OR6K6: variants seen among roughly 807,000 people sequenced by gnomAD.
The protein encoded by OR6K6 is olfactory receptor 6K6.
In OR6K6, 9 loss-of-function variants were observed where a neutral mutation model predicts 8.1. The observed-to-expected ratio is 1.11, with a 90% CI of 0.67 to 1.94. The LOEUF is 1.94. OR6K6 is among the 30% of genes most tolerant of loss of function. The pLI is 0.00. For synonymous variants in OR6K6, 156 were observed against 140.3 expected (o/e 1.11, Z -0.79); for missense variants, 400 against 383.1 (o/e 1.04, Z -0.37).
Position 158,754,829 on chromosome 1 carries a change from C to G in OR6K6, c.-59C>G. On this transcript the variant is annotated 5_prime_UTR_variant, in exon 1 of 1. An upstream open reading frame in the 5' UTR gains an earlier in-frame stop. Coordinates refer to ENST00000641861, the Ensembl canonical transcript of OR6K6. Reference sequence around the variant, plus strand: ...TTACAGAAAGGAATGAAGCAATATTCAGTGGGTAATCAACATTCCAATTAT... The same window carrying G: ...TTACAGAAAGGAATGAAGCAATATTGAGTGGGTAATCAACATTCCAATTAT... 1.9e-6 allele frequency: 3 copies of G among 1,607,588 alleles called. No homozygotes were observed. Among genetic ancestry groups the G allele is most frequent in the East Asian group, 4.5e-5 (2 of 44,854 alleles).
exon 1 of OR6K6, chr1:158,754,927 A>G: frequency 6.2e-7 from 1 of 1,614,012 alleles, no homozygotes; most frequent in Non-Finnish European, 8.5e-7. Context: ...GACAATGGTG[A>G]CTGAGTTCCT....
At chr1:158,754,972 C>G (rs370551652) in exon 1 of OR6K6, 2 of 1,614,140 alleles carry the variant, frequency 1.2e-6, no homozygotes, top group Non-Finnish European at 8.5e-7. Flanking sequence ...CAGAGGTGGC[C>G]TCTTATTCTT....
exon 1 of OR6K6, chr1:158,755,012 T>A (rs761008328): frequency 6.2e-7 from 1 of 1,614,044 alleles, no homozygotes; most frequent in Non-Finnish European, 8.5e-7. Context: ...TACGGATTTA[T>A]CCTAACTGGA....
chr1:158,754,958 C>T lies in OR6K6; in HGVS notation c.71C>T (p.Ala24Val), dbSNP rs531610805. Residue 24 changes from alanine (A) to valine (V), a missense_variant, in exon 1 of 1, where the codon GCG becomes GTG. By Grantham distance (64) the Ala-to-Val change is moderately conservative. Transcript: ENST00000641861. ...TTCCTCTTCTCTATGTTCCCGCATGCGCACAGAGGTGGCCTCTTATTCTTT... is the reference window on the plus strand; with the variant it reads ...TTCCTCTTCTCTATGTTCCCGCATGTGCACAGAGGTGGCCTCTTATTCTTT... The T allele has an allele frequency of 1.2e-5, 20 of 1,614,158 alleles. No individual in the cohort carries two copies. The highest frequency in any genetic ancestry group is 3.3e-4 in the Middle Eastern group (2 of 6,062).
chr1:158,755,283 T>C, exon 1 of OR6K6: 1 of 1,614,148 alleles, frequency 6.2e-7, no homozygotes, highest in Non-Finnish European at 8.5e-7. Flanking sequence ...CTATCTGCAA[T>C]CCACTCCGTT....
At chr1:158,755,632 G>A in exon 1 of OR6K6, 1 of 1,614,168 alleles carries the variant, frequency 6.2e-7, no homozygotes, top group South Asian at 1.1e-5. Flanking sequence ...TGCTCACCTT[G>A]CTGTGTTCTT....
At position 158,755,709 on chromosome 1, in the gene OR6K6, C is replaced by G; in HGVS notation, c.822C>G (p.Asp274Glu). 1.9e-6 allele frequency: 3 copies of G among 1,614,142 alleles called. No individual in the cohort carries two copies. In the South Asian group the frequency reaches 3.3e-5, roughly 18 times the overall value. Residue 274 changes from aspartate to glutamate, a missense_variant, in exon 1 of 1, where the codon GAC becomes GAG. Physicochemically the swap from Asp to Glu is conservative, Grantham distance 45. Transcript: ENST00000641861. ...CAGCCACCTACTCAGTGTTTTGGGA[C>G]ACAGCAATTGCTGTCACTTTTGTTA...
In OR6K6 at chr1:158,755,403, C is replaced by T. The variant is rs561773717; in HGVS notation, c.516C>T (p.Phe172=). 6.4e-5 allele frequency: 103 copies of T among 1,614,216 alleles called. 1 individual carries two copies. Among genetic ancestry groups the T allele is most frequent in the Non-Finnish European group, 8.0e-5 (94 of 1,180,034 alleles). Residue 172 remains phenylalanine (F), a synonymous_variant, in exon 1 of 1, where the codon TTC becomes TTT. Coordinates refer to ENST00000641861, the Ensembl canonical transcript of OR6K6. ...TTGCATGGATTTCCACCTTGCCTTTCTGTGGCTCCAACCAGATCCACCAGA... is the reference window on the plus strand; with the variant it reads ...TTGCATGGATTTCCACCTTGCCTTTTTGTGGCTCCAACCAGATCCACCAGA...
rs1656957921 is a variant in OR6K6 at position 158,755,151 on chromosome 1, C to A, written c.264C>A (p.Cys88Ter). Residue 88 changes from cysteine to a stop codon, truncating the protein, a stop_gained, in exon 1 of 1, where the codon TGC becomes TGA. Coordinates refer to ENST00000641861, the Ensembl canonical transcript of OR6K6. LOFTEE classifies it high-confidence loss of function. Reference sequence around the variant, plus strand: ...CCACCATCCCCAAGATGCTGTCCTGCCTAATCAGTGAGCAGAAGAGCATTT... The same window carrying A: ...CCACCATCCCCAAGATGCTGTCCTGACTAATCAGTGAGCAGAAGAGCATTT... The A allele has an allele frequency of 6.2e-7, 1 of 1,613,952 alleles. No individual in the cohort carries two copies. Among genetic ancestry groups the A allele is most frequent in the East Asian group, 2.2e-5 (1 of 44,880 alleles).
At chr1:158,754,770 T>C in exon 1 of OR6K6, 1 of 1,376,820 alleles carries the variant, frequency 7.3e-7, no homozygotes, top group South Asian at 1.3e-5. Flanking sequence ...CTAACTGGTT[T>C]CTTCAGGATT....
Position 158,755,828 on chromosome 1 carries a change from C to A in OR6K6, c.941C>A (p.Ala314Asp), listed in dbSNP as rs763807694. ...AGGCTTTTCCACTATCAGAAGAGGG[C>A]TGGTTGGGCTGGGAAATAGATACAG... The change falls in exon 1 of 1, where the codon GCT (alanine) becomes GAT (aspartate). Residue 314 changes from alanine to aspartate, a missense_variant. Ala to Asp is a moderately radical substitution (Grantham distance 126). Coordinates refer to ENST00000641861, the Ensembl canonical transcript of OR6K6. The A allele has an allele frequency of 5.6e-6, 9 of 1,602,324 alleles. No homozygotes were observed. The highest frequency in any genetic ancestry group is 1.7e-4 in the Middle Eastern group (1 of 5,984).
exon 1 of OR6K6, chr1:158,754,908 T>G (rs1656950081): frequency 6.2e-7 from 1 of 1,614,108 alleles, no homozygotes; most frequent in Admixed American, 1.7e-5. Context: ...TGACGGCCAG[T>G]GGGAATCAGA....
At chr1:158,755,169 G>T (rs1656958415) in exon 1 of OR6K6, 2 of 1,614,028 alleles carry the variant, frequency 1.2e-6, no homozygotes, top group East Asian at 4.5e-5. Context: ...GTGAGCAGAA[G>T]AGCATTTCCG....
exon 1 of OR6K6, chr1:158,755,286 A>G (rs773858369): frequency 1.2e-6 from 2 of 1,613,948 alleles, no homozygotes; most frequent in East Asian, 4.5e-5. Context: ...TCTGCAATCC[A>G]CTCCGTTACC....
Position 158,755,690 on chromosome 1 carries a change from C to T in OR6K6, c.803C>T (p.Thr268Ile), listed in dbSNP as rs745625707. 3 of 1,614,192 alleles carry T rather than the reference C, an allele frequency of 1.9e-6. No homozygotes were observed. The African/African-American group carries it at 4.0e-5, about 22-fold the overall frequency. Residue 268 changes from threonine (T) to isoleucine (I), a missense_variant, in exon 1 of 1, where the codon ACC becomes ATC. By Grantham distance (89) the Thr-to-Ile change is moderately conservative. Coordinates refer to ENST00000641861, the Ensembl canonical transcript of OR6K6. ...GTCATGTATTTGAGATTCTCAGCCA[C>T]CTACTCAGTGTTTTGGGACACAGCA...
At position 158,755,785 on chromosome 1, in the gene OR6K6, A is replaced by G. The variant is rs773315586; in HGVS notation, c.898A>G (p.Met300Val). ...CATCTATAGCCTGAAAAACAAGGAC[A>G]TGAAAGAGGCTATTGGAAGGCTTTT... Residue 300 changes from methionine to valine, a missense_variant, in exon 1 of 1, where the codon ATG (methionine) becomes GTG (valine). Transcript: ENST00000641861. 1.4e-5 allele frequency: 22 copies of G among 1,613,886 alleles called. No homozygotes were observed. The Admixed American group carries it at 3.0e-4, about 22-fold the overall frequency.
exon 1 of OR6K6, chr1:158,754,866 G>C: frequency 6.2e-7 from 1 of 1,613,650 alleles, no homozygotes; most frequent in Non-Finnish European, 8.5e-7. Context: ...GGAGTCTCTT[G>C]TTTCCTTTTC....
At chr1:158,754,996 C>G (rs1464586023) in exon 1 of OR6K6, 1 of 1,614,160 alleles carries the variant, frequency 6.2e-7, no homozygotes, top group East Asian at 2.2e-5. Flanking sequence ...TCCCTTGCTT[C>G]TCATCTACGG....
chr1:158,754,991 T>G, exon 1 of OR6K6: 2 of 1,614,208 alleles, frequency 1.2e-6, no homozygotes, highest in Non-Finnish European at 1.7e-6. Context: ...TTTATTCCCT[T>G]GCTTCTCATC....
Sources: gnomAD v4.1 joint callset for allele counts on GRCh38, gnomAD v4.1.1 for gene constraint, MANE v1.5 for transcripts, NCBI Gene and HGNC (gene_info 2026-07-23, HGNC 2026-07-21) for gene names.